Variants in RORA observed in about 807,000 individuals in gnomAD.
RORA encodes the protein RAR related orphan receptor A, also known as nuclear receptor ROR-alpha.
In RORA, 7 loss-of-function variants were observed where a neutral mutation model predicts 69.5. The observed-to-expected ratio is 0.10, with a 90% CI of 0.06 to 0.19. RORA has a LOEUF of 0.19. Ranked by LOEUF, RORA falls within the 10% of genes least tolerant of loss-of-function variation. The pLI is 1.00. For synonymous variants in RORA, 261 were observed against 240.8 expected, an observed-to-expected ratio of 1.08 and a Z score of -0.78; for missense variants, 457 against 663.0, an observed-to-expected ratio of 0.69 and a Z score of 3.41.
At chr15:60,627,236 A>C (rs200572797) in intron 2 of RORA, 10 of 1,614,026 alleles carry the variant, frequency 6.2e-6, no homozygotes, top group Non-Finnish European at 8.5e-6. Context: ...AGTGGCTCTT[A>C]CCTTCTGGCT....
At chr15:61,048,842 G>T (rs1897164387) in intron 1 of RORA, among the ~76,000 whole-genome samples, 1 of 152,092 alleles carries the variant, frequency 6.6e-6, no homozygotes, top group Non-Finnish European at 1.5e-5. Context: ...TGGGAGTCAA[G>T]ACTTACTTTT....
chr15:61,115,837 A>G (rs1455013066), intron 1 of RORA, among the ~76,000 whole-genome samples: 1 of 152,220 alleles, frequency 6.6e-6, no homozygotes, highest in Non-Finnish European at 1.5e-5. Context: ...GTAATGAACA[A>G]GAGGAGGCTC....
intron 2 of RORA, among the ~76,000 whole-genome samples, chr15:60,549,731 G>T (rs554630085): frequency 8.5e-4 from 129 of 151,960 alleles, no homozygotes; most frequent in Non-Finnish European, 1.5e-3. Flanking sequence ...AAACTATAAC[G>T]TCACTCTCCA....
intron 1 of RORA, among the ~76,000 whole-genome samples, chr15:61,085,346 A>G (rs548087912): frequency 6.6e-6 from 1 of 152,186 alleles, no homozygotes; most frequent in Non-Finnish European, 1.5e-5. Flanking sequence ...TAGCTGTTTC[A>G]TGGTGGGAAA....
At chr15:61,070,458 C>G (rs537239262) in intron 1 of RORA, among the ~76,000 whole-genome samples, 42 of 152,340 alleles carry the variant, frequency 2.8e-4, no homozygotes, top group African/African-American at 1.0e-3. Context: ...CTTAAGAAGT[C>G]TCAATTTCTG....
intron 1 of RORA, among the ~76,000 whole-genome samples, chr15:61,156,475 TCAAGTCTTCTCAG>T (rs1314715979): frequency 3.9e-5 from 6 of 152,074 alleles, no homozygotes; most frequent in African/African-American, 1.4e-4. Context: ...GCCAGTTCCA[TCAAGTCTTCTCAG>T]CAACTCTCCA....
intron 1 of RORA, among the ~76,000 whole-genome samples, chr15:60,868,070 T>C (rs938655692): frequency 1.7e-4 from 26 of 152,210 alleles, no homozygotes; most frequent in Non-Finnish European, 7.3e-5. Flanking sequence ...GTGAAATATA[T>C]ATAAATATAC....
chr15:60,562,228 C>T (rs1282102762), intron 2 of RORA, among the ~76,000 whole-genome samples: 1 of 152,072 alleles, frequency 6.6e-6, no homozygotes, highest in Admixed American at 6.5e-5. Flanking sequence ...AGCCACTGCG[C>T]CCTGCCAGTT....
chr15:61,177,485 A>T lies in RORA; in HGVS notation c.166+51568T>A, dbSNP rs535551625. Reference sequence around the variant, plus strand: ...ACTAAAAACTAAGATGTGGTTGCACACATGTTTACAACGATGTGAAAAATA... The same window carrying T: ...ACTAAAAACTAAGATGTGGTTGCACTCATGTTTACAACGATGTGAAAAATA... On this transcript the variant is annotated intron_variant, in intron 1 of 10. Coordinates refer to ENST00000335670, the MANE Select transcript of RORA (RefSeq NM_134261.3). Among the ~76,000 whole-genome samples the T allele has an allele frequency of 3.3e-5, 5 of 152,356 alleles. No individual in the cohort carries two copies. In the South Asian group the frequency reaches 8.3e-4, roughly 25 times the overall value.
At chr15:60,946,225 T>C (rs1236626706) in intron 1 of RORA, among the ~76,000 whole-genome samples, 3 of 140,456 alleles carry the variant, frequency 2.1e-5, no homozygotes, top group African/African-American at 8.3e-5. Flanking sequence ...AAAACCAAAA[T>C]GACTCCGACT....
intron 1 of RORA, chr15:60,682,262 A>C (rs954593789): frequency 6.6e-6 from 1 of 152,244 alleles, no homozygotes; most frequent in East Asian, 1.9e-4. Context: ...TAGTTTAACC[A>C]AACTGAATTA....
intron 1 of RORA, among the ~76,000 whole-genome samples, chr15:61,059,648 G>C (rs571475832): frequency 2.2e-4 from 34 of 151,890 alleles, no homozygotes; most frequent in Non-Finnish European, 3.4e-4. Context: ...AGGATTTCCT[G>C]CTATTTATGA....
intron 1 of RORA, chr15:60,848,139 T>C (rs927243637): frequency 5.3e-5 from 8 of 152,294 alleles, no homozygotes; most frequent in African/African-American, 1.9e-4. Flanking sequence ...CCTGTCCCCC[T>C]CATCTGTTTT....
intron 2 of RORA, among the ~76,000 whole-genome samples, chr15:60,563,565 T>C (rs1207474147): frequency 6.6e-6 from 1 of 152,206 alleles, no homozygotes; most frequent in Admixed American, 6.5e-5. Context: ...GGAAATTTCT[T>C]TGAGCCTCAG....
At chr15:60,918,915 T>C (rs1017661935) in intron 1 of RORA, among the ~76,000 whole-genome samples, 1 of 152,204 alleles carries the variant, frequency 6.6e-6, no homozygotes, top group African/African-American at 2.4e-5. Flanking sequence ...AAGCCCGTGC[T>C]TGAGCTAAGG....
intron 1 of RORA, among the ~76,000 whole-genome samples, chr15:60,688,651 T>C (rs942189029): frequency 7.2e-5 from 11 of 152,180 alleles, no homozygotes; most frequent in African/African-American, 2.2e-4. Flanking sequence ...GAGTGCCCTA[T>C]GGTGATGGAT....
intron 1 of RORA, among the ~76,000 whole-genome samples, chr15:61,198,234 T>G (rs2079862493): frequency 6.6e-6 from 1 of 152,122 alleles, no homozygotes; most frequent in African/African-American, 2.4e-5. Context: ...AGAGCAGCAG[T>G]CTAGGTATAA....
At chr15:60,751,938 G>T (rs1370378601) in intron 1 of RORA, among the ~76,000 whole-genome samples, 1 of 152,158 alleles carries the variant, frequency 6.6e-6, no homozygotes, top group Non-Finnish European at 1.5e-5. Context: ...AAGCAGAAGA[G>T]TTTGGGAAGA....
At chr15:61,175,832 A>C (rs1227661319) in intron 1 of RORA, among the ~76,000 whole-genome samples, 3 of 152,152 alleles carry the variant, frequency 2.0e-5, no homozygotes, top group Admixed American at 6.5e-5. Context: ...TCTTGCTCTG[A>C]GTTGGGCTTG....
Sources: allele counts gnomAD v4.1 joint callset (sites outside exome capture counted in the v4.1 genomes callset), GRCh38; gene constraint gnomAD v4.1.1; transcripts MANE v1.5; gene names NCBI Gene and HGNC (gene_info 2026-07-23, HGNC 2026-07-21).